The following MSL2 variants were observed in gnomAD, a reference collection of about 807,000 sequenced individuals.
MSL2 encodes MSL complex subunit 2, also known as E3 ubiquitin-protein ligase MSL2.
MSL2 carries 2 observed loss-of-function variants against 35.8 expected under a neutral mutation model. The observed-to-expected ratio is 0.06, with a 90% CI of 0.02 to 0.18. MSL2 has a LOEUF of 0.18. Ranked by LOEUF, MSL2 falls within the 10% of genes least tolerant of loss-of-function variation. MSL2 has a pLI of 1.00. For synonymous variants in MSL2, 296 were observed against 255.7 expected, an observed-to-expected ratio of 1.16 and a Z score of -1.50; for missense variants, 523 against 706.7, an observed-to-expected ratio of 0.74 and a Z score of 2.95.
In MSL2 at chr3:136,188,729, A is replaced by C. The variant is rs1397514655; in HGVS notation, c.142+6243T>G. On this transcript the variant is annotated intron_variant, in intron 1 of 1. Transcript: ENST00000309993. ...GAAGAGAGCAAGACCCTGTCTCAAA[A>C]AAAAAAAAAAAAAAAAAGTATCCAC... 4.8e-4 allele frequency among the ~76,000 whole-genome samples: 70 copies of C among 144,780 alleles called. 2 individuals carry two copies. Among genetic ancestry groups the C allele is most frequent in the Non-Finnish European group, 3.6e-4 (24 of 66,398 alleles). The allele number at this position is 144,780 out of a possible 152,430, so 95.0% of individuals were successfully genotyped here. A position where few individuals can be genotyped will look rare whatever the true frequency, so the allele number is the denominator to read the frequency against.
At chr3:136,171,770 G>A (rs1420536182) in intron 1 of MSL2, among the ~76,000 whole-genome samples, 1 of 152,120 alleles carries the variant, frequency 6.6e-6, no homozygotes, top group African/African-American at 2.4e-5. Flanking sequence ...CAAGACGTAT[G>A]GCCAGGTCTA....
chr3:136,177,573 G>A (rs1000826370), intron 1 of MSL2, among the ~76,000 whole-genome samples: 2 of 151,898 alleles, frequency 1.3e-5, no homozygotes, highest in African/African-American at 4.8e-5. Flanking sequence ...CAGCTACTCG[G>A]GAGGCTGAGG....
chr3:136,182,465 T>C (rs1315233760), intron 1 of MSL2, among the ~76,000 whole-genome samples: 1 of 152,016 alleles, frequency 6.6e-6, no homozygotes, highest in African/African-American at 2.4e-5. Flanking sequence ...GGAACAAATA[T>C]AAACCCTACA....
rs1159706903 is a variant in MSL2 at position 136,195,827 on chromosome 3, G to A, written c.-714C>T. The A allele has an allele frequency of 1.6e-5, 16 of 984,698 alleles. No individual in the cohort carries two copies. Among genetic ancestry groups the A allele is most frequent in the African/African-American group, 7.0e-5 (4 of 57,092 alleles). The allele number at this position is 984,698 out of a possible 1,614,324, so 61.0% of individuals were successfully genotyped here. The stretch of plus-strand genomic sequence containing the variant: ...GGGCGGGAGTCCTCAACCCGGAGGG[G>A]AAGGCCGGGGAGGAAGTGCGCGGGC... On this transcript the variant is annotated 5_prime_UTR_variant, in exon 1 of 2. Coordinates refer to ENST00000309993, the MANE Select transcript of MSL2 (RefSeq NM_018133.4).
intron 1 of MSL2, among the ~76,000 whole-genome samples, chr3:136,174,243 G>A (rs563404754): frequency 1.1e-4 from 17 of 152,278 alleles, no homozygotes; most frequent in Non-Finnish European, 2.4e-4. Context: ...ATCTGGGAGT[G>A]ACCTTGGTAA....
intron 1 of MSL2, chr3:136,194,269 CTTAAAAA>C (rs1159550581): frequency 2.3e-5 from 6 of 262,890 alleles, no homozygotes; most frequent in South Asian, 1.4e-4. Context: ...TCTCTTCTAT[CTTAAAAA>C]TTAAAGTATC....
intron 1 of MSL2, among the ~76,000 whole-genome samples, chr3:136,176,030 T>C (rs1377982472): frequency 6.6e-6 from 1 of 152,094 alleles, no homozygotes; most frequent in African/African-American, 2.4e-5. Context: ...TAGGACATAT[T>C]CTAGATACAT....
intron 1 of MSL2, among the ~76,000 whole-genome samples, chr3:136,191,003 G>A (rs754511543): frequency 1.3e-4 from 20 of 152,132 alleles, no homozygotes; most frequent in Non-Finnish European, 1.8e-4. Flanking sequence ...TCAAAGAACA[G>A]TAATAACAAA....
intron 1 of MSL2, among the ~76,000 whole-genome samples, chr3:136,166,245 G>A (rs186235735): frequency 2.0e-5 from 3 of 151,656 alleles, no homozygotes; most frequent in Non-Finnish European, 4.4e-5. Flanking sequence ...AAAATTAGCC[G>A]GGCGTGGTGA....
chr3:136,181,180 G>C (rs189625997), intron 1 of MSL2, among the ~76,000 whole-genome samples: 148 of 151,622 alleles, frequency 9.8e-4, no homozygotes, highest in Admixed American at 1.6e-3. Flanking sequence ...AACAAAAATC[G>C]TGAACCAAAT....
At chr3:136,179,333 G>A (rs1454954802) in intron 1 of MSL2, among the ~76,000 whole-genome samples, 2 of 152,002 alleles carry the variant, frequency 1.3e-5, no homozygotes, top group Non-Finnish European at 2.9e-5. Flanking sequence ...ATTACAGGCA[G>A]GGACCACCAT....
Position 136,151,598 on chromosome 3 carries a change from A to G in MSL2, c.1283T>C (p.Leu428Pro). Residue 428 changes from leucine to proline, a missense_variant, in exon 2 of 2, where the codon CTT becomes CCT. Leu to Pro is a moderately conservative substitution (Grantham distance 98). Coordinates refer to ENST00000309993, the MANE Select transcript of MSL2 (RefSeq NM_018133.4). This position sits in a 1 kb window ranked among gnomAD's most constrained non-coding sequence, Gnocchi z 5.2. ...KSHSKTKPGI[L>P]KKDKAVKEKI... ...TTCCTTTACTGCTTTGTCTTTTTTA[A>G]GAATACCTGGCTTGGTTTTAGAGTG... 1 of 1,614,164 alleles carries G rather than the reference A, an allele frequency of 6.2e-7. No individual in the cohort carries two copies. Among genetic ancestry groups the G allele is most frequent in the Middle Eastern group, 1.6e-4 (1 of 6,062 alleles).
intron 1 of MSL2, 150 bp downstream of exon 1, chr3:136,194,822 C>G (rs1940789921): frequency 3.9e-6 from 5 of 1,270,686 alleles, no homozygotes; most frequent in South Asian, 1.3e-5. Flanking sequence ...AAAAGTCCCT[C>G]AGCAAGTTTC....
chr3:136,193,619 G>A, intron 1 of MSL2, among the ~76,000 whole-genome samples: 1 of 151,634 alleles, frequency 6.6e-6, no homozygotes, highest in Non-Finnish European at 1.5e-5. Context: ...TGGGAGTAGA[G>A]TGAGAGGTTA....
chr3:136,180,253 A>G (rs1049451808), intron 1 of MSL2, among the ~76,000 whole-genome samples: 1 of 152,124 alleles, frequency 6.6e-6, no homozygotes, highest in Admixed American at 6.6e-5. Context: ...ACTACGTGAT[A>G]AGCTAAAAGT....
chr3:136,191,756 T>C lies in MSL2; in HGVS notation c.142+3216A>G, dbSNP rs138739550. Among the ~76,000 whole-genome samples the C allele has an allele frequency of 2.9e-3, 435 of 152,252 alleles. 3 individuals carry two copies. Among genetic ancestry groups the C allele is most frequent in the Middle Eastern group, 0.02 (6 of 294 alleles). On this transcript the variant is annotated intron_variant, in intron 1 of 1. Transcript: ENST00000309993. ...CCACTGCACTCCAACCTGAGCAACA[T>C]AGCAAGATCCTGTTTCAATAAAAAG...
intron 1 of MSL2, among the ~76,000 whole-genome samples, chr3:136,175,128 G>A (rs1559966528): frequency 1.3e-5 from 2 of 151,886 alleles, no homozygotes; most frequent in Non-Finnish European, 2.9e-5. Context: ...GGTGGATCAC[G>A]AGGTCAGGAG....
intron 1 of MSL2, among the ~76,000 whole-genome samples, chr3:136,184,078 G>A (rs985591870): frequency 3.3e-5 from 5 of 150,874 alleles, no homozygotes; most frequent in East Asian, 3.9e-4. Context: ...GGCGGATCAC[G>A]AAGTCAGGAG....
chr3:136,183,372 G>T (rs985772142), intron 1 of MSL2, among the ~76,000 whole-genome samples: 1 of 152,256 alleles, frequency 6.6e-6, no homozygotes, highest in African/African-American at 2.4e-5. Context: ...ACCAGTCTGG[G>T]AAACACAGGG....
Sources: allele counts gnomAD v4.1 joint callset (sites outside exome capture counted in the v4.1 genomes callset), GRCh38; gene constraint gnomAD v4.1.1; non-coding constraint Gnocchi (gnomAD v3.1); transcripts MANE v1.5; gene names NCBI Gene and HGNC (gene_info 2026-07-23, HGNC 2026-07-21).